The following MYRIP variants were observed in gnomAD, a reference collection of about 807,000 sequenced individuals.
MYRIP encodes rab effector MyRIP.
In MYRIP, 49 loss-of-function variants were observed where a neutral mutation model predicts 98.0. The observed-to-expected ratio is 0.50, with a 90% CI of 0.40 to 0.63. The LOEUF (loss-of-function observed/expected upper bound fraction) is 0.63, where lower values mean the gene tolerates loss of function less well. Ranked by LOEUF, MYRIP falls within the 30% of genes least tolerant of loss-of-function variation. The probability of loss-of-function intolerance (pLI) is 0.00; values close to 1 mark genes in which losing one functional copy is unlikely to be tolerated. For synonymous variants in MYRIP, 404 were observed against 409.5 expected (o/e 0.99, Z 0.16); for missense variants, 1,004 against 1,058.2 (o/e 0.95, Z 0.71).
intron 3 of MYRIP, among the ~76,000 whole-genome samples, chr3:40,112,537 A>C (rs749661567): frequency 7.2e-5 from 11 of 152,316 alleles, no homozygotes; most frequent in South Asian, 4.1e-4. Flanking sequence ...AGCCAGCTGC[A>C]TTTTTGAGCA....
At chr3:40,071,651 G>C (rs1404223811) in intron 3 of MYRIP, among the ~76,000 whole-genome samples, 2 of 152,198 alleles carry the variant, frequency 1.3e-5, no homozygotes, top group Non-Finnish European at 2.9e-5. Context: ...AATGTTCCCA[G>C]TATTTTCAGA....
intron 1 of MYRIP, among the ~76,000 whole-genome samples, chr3:39,872,271 C>CT (rs1307843922): frequency 2.6e-5 from 4 of 151,522 alleles, no homozygotes; most frequent in South Asian, 2.1e-4. Context: ...TTCTTTCTTT[C>CT]TTTTTTTTAA....
intron 1 of MYRIP, among the ~76,000 whole-genome samples, chr3:39,871,532 C>T (rs1251070678): frequency 4.6e-5 from 7 of 152,142 alleles, no homozygotes; most frequent in African/African-American, 1.7e-4. Context: ...TTTACTTGCC[C>T]AGTGACAGTG....
At chr3:40,250,598 AGT>A (rs1238902564) in intron 15 of MYRIP, 99 bp downstream of exon 15, 1 of 1,351,770 alleles carries the variant, frequency 7.4e-7, no homozygotes, top group African/African-American at 1.4e-5. Context: ...GATCTAATGG[AGT>A]GTTCTCACAC....
At chr3:39,899,580 G>A (rs1299780077) in intron 1 of MYRIP, among the ~76,000 whole-genome samples, 2 of 152,044 alleles carry the variant, frequency 1.3e-5, no homozygotes, top group East Asian at 3.9e-4. Flanking sequence ...TATATCTGAA[G>A]CATATACCTA....
At chr3:39,995,320 AC>A (rs1946315377) in intron 2 of MYRIP, among the ~76,000 whole-genome samples, 1 of 152,222 alleles carries the variant, frequency 6.6e-6, no homozygotes, top group African/African-American at 2.4e-5. Flanking sequence ...AACTAGAATA[AC>A]AAATGCAGAG....
intron 1 of MYRIP, among the ~76,000 whole-genome samples, chr3:39,846,990 T>C (rs1339593671): frequency 6.6e-6 from 1 of 152,188 alleles, no homozygotes; most frequent in Non-Finnish European, 1.5e-5. Context: ...TATCCAGACT[T>C]TGCACCAACT....
chr3:39,840,954 T>C (rs1447273655), intron 1 of MYRIP, among the ~76,000 whole-genome samples: 1 of 152,192 alleles, frequency 6.6e-6, no homozygotes, highest in Non-Finnish European at 1.5e-5. Context: ...GTTGCTCTTC[T>C]CAAGGAGTAT....
At chr3:39,846,596 C>A (rs557860640) in intron 1 of MYRIP, among the ~76,000 whole-genome samples, 46 of 152,144 alleles carry the variant, frequency 3.0e-4, no homozygotes, top group Non-Finnish European at 6.0e-4. Flanking sequence ...CAGGCTGCCA[C>A]CTCTATATAG....
At chr3:39,961,780 T>C (rs1030828727) in intron 2 of MYRIP, among the ~76,000 whole-genome samples, 1 of 152,124 alleles carries the variant, frequency 6.6e-6, no homozygotes, top group Non-Finnish European at 1.5e-5. Flanking sequence ...TTTTCCTATT[T>C]TGTTTTGAGA....
chr3:40,073,380 C>T lies in MYRIP; in HGVS notation c.332+29109C>T, dbSNP rs559470090. Among the ~76,000 whole-genome samples, 9 of 152,174 alleles carry T rather than the reference C, an allele frequency of 5.9e-5. No homozygotes were observed. The East Asian group carries it at 1.2e-3, about 20-fold the overall frequency. On this transcript the variant is annotated intron_variant, in intron 3 of 16. Coordinates refer to ENST00000302541, the MANE Select transcript of MYRIP (RefSeq NM_015460.4). ...TCTGCACTGCGGGTTTTTATTATGT[C>T]GGACTCTTCCTGCCTCTGTTTCAAG...
At chr3:39,825,557 G>T (rs1220767923) in intron 1 of MYRIP, among the ~76,000 whole-genome samples, 1 of 152,082 alleles carries the variant, frequency 6.6e-6, no homozygotes, top group South Asian at 2.1e-4. Context: ...TCATCATGGT[G>T]TATTATCTTT....
rs539735277 is a variant in MYRIP at position 39,816,423 on chromosome 3, G to A, written c.-31+6507G>A. Among the ~76,000 whole-genome samples, 3 of 152,260 alleles carry A rather than the reference G, an allele frequency of 2.0e-5. No homozygotes were observed. The East Asian group carries it at 5.8e-4, about 29-fold the overall frequency. Reference sequence around the variant, plus strand: ...ATCATACTGACAACCTATCCTGAGAGTAAACTCCCCTTGTAGGTATTTTTC... The same window carrying A: ...ATCATACTGACAACCTATCCTGAGAATAAACTCCCCTTGTAGGTATTTTTC... On this transcript the variant is annotated intron_variant, in intron 1 of 16. Coordinates refer to ENST00000302541, the MANE Select transcript of MYRIP (RefSeq NM_015460.4).
chr3:39,951,053 C>T (rs1945001892), intron 2 of MYRIP, among the ~76,000 whole-genome samples: 1 of 152,114 alleles, frequency 6.6e-6, no homozygotes, highest in Non-Finnish European at 1.5e-5. Context: ...GAAACAGTGG[C>T]CATATGGGTC....
chr3:40,018,756 T>A (rs1367083164), intron 2 of MYRIP, among the ~76,000 whole-genome samples: 1 of 152,084 alleles, frequency 6.6e-6, no homozygotes, highest in African/African-American at 2.4e-5. Flanking sequence ...CAAAAAGAGG[T>A]TACTTCCATA....
At chr3:40,147,354 A>G (rs949429134) in intron 3 of MYRIP, among the ~76,000 whole-genome samples, 3 of 152,128 alleles carry the variant, frequency 2.0e-5, no homozygotes, top group African/African-American at 7.2e-5. Flanking sequence ...AACTACCCTC[A>G]TCATTCCTCC....
At chr3:40,027,883 C>T (rs1388146243) in intron 2 of MYRIP, among the ~76,000 whole-genome samples, 3 of 151,866 alleles carry the variant, frequency 2.0e-5, no homozygotes, top group Admixed American at 6.6e-5. Flanking sequence ...AGAGGAGGGG[C>T]GGGACCAGCT....
At chr3:39,974,568 C>A (rs527651020) in intron 2 of MYRIP, among the ~76,000 whole-genome samples, 1 of 152,034 alleles carries the variant, frequency 6.6e-6, no homozygotes, top group African/African-American at 2.4e-5. Flanking sequence ...AGCATCATCC[C>A]GGTACCAAAG....
intron 2 of MYRIP, among the ~76,000 whole-genome samples, chr3:39,973,098 C>A (rs992693461): frequency 4.6e-5 from 7 of 152,034 alleles, no homozygotes; most frequent in African/African-American, 1.4e-4. Flanking sequence ...TTAAAAGACA[C>A]AGACTGGCAA....
Sources: gnomAD v4.1 joint callset for allele counts (sites outside exome capture counted in the v4.1 genomes callset) on GRCh38, gnomAD v4.1.1 for gene constraint, MANE v1.5 for transcripts, NCBI Gene and HGNC (gene_info 2026-07-23, HGNC 2026-07-21) for gene names.